ABCA8: variants seen among roughly 807,000 people sequenced by gnomAD.
ABCA8 encodes ABC-type organic anion transporter ABCA8.
A neutral mutation model predicts 192.3 loss-of-function variants in ABCA8; 177 were observed. That is an observed-to-expected ratio of 0.92 (90% CI 0.81 to 1.04). The LOEUF (loss-of-function observed/expected upper bound fraction) is 1.04. Among genes scored for constraint, ABCA8 ranks in the 50% least tolerant of loss-of-function variants. The probability of loss-of-function intolerance (pLI) is 0.00; values close to 1 mark genes in which losing one functional copy is unlikely to be tolerated. For missense variants in ABCA8, 1,915 were observed against 1,904.8 expected (o/e 1.01, Z -0.10); for synonymous variants, 642 against 690.2 (o/e 0.93, Z 1.09).
chr17:68,878,393 G>C (rs911134173), intron 32 of ABCA8: 1 of 152,260 alleles, frequency 6.6e-6, no homozygotes, highest in African/African-American at 2.4e-5. Context: ...TGATGTGGAA[G>C]CTTGACGGGG....
At chr17:68,891,639 A>G (rs775013179) in intron 23 of ABCA8, 43 bp from the exon 24 acceptor site, 3 of 1,452,002 alleles carry the variant, frequency 2.1e-6, no homozygotes, top group Non-Finnish European at 2.8e-6. Context: ...GAAGAAATTT[A>G]AAGTTAATTT....
intron 17 of ABCA8, among the ~76,000 whole-genome samples, chr17:68,913,919 C>T (rs568479808): frequency 3.3e-5 from 5 of 152,098 alleles, no homozygotes; most frequent in African/African-American, 1.2e-4. Context: ...AAAATACTAG[C>T]AAACCGAATT....
chr17:68,887,935 ATATATATAT>A (rs1359508674), intron 24 of ABCA8, among the ~76,000 whole-genome samples: 20 of 91,860 alleles, frequency 2.2e-4, no homozygotes, highest in South Asian at 1.3e-3. Flanking sequence ...TTATATATGG[ATATATATAT>A]TATATATATG....
rs1408123957 is a variant in ABCA8 at position 68,951,959 on chromosome 17, G to C, written c.-166-2487C>G. On this transcript the variant is annotated intron_variant, in intron 1 of 39. Coordinates refer to ENST00000586539, the MANE Select transcript of ABCA8 (RefSeq NM_001288985.2). ...CTCACGTTAAACCTACTTTTCTTTT[G>C]CTTCTAGTTTTGTCTACATCTTTAC... is the stretch of plus-strand genomic sequence containing the variant. Among the ~76,000 whole-genome samples the C allele has an allele frequency of 2.6e-5, 4 of 152,090 alleles. No individual in the cohort carries two copies. The East Asian group carries it at 7.7e-4, about 29-fold the overall frequency.
At position 68,894,860 on chromosome 17, in the gene ABCA8, A is replaced by T; in HGVS notation, c.2898+20T>A. The T allele has an allele frequency of 1.2e-6, 2 of 1,602,332 alleles. No individual in the cohort carries two copies. The highest frequency in any genetic ancestry group is 1.7e-6 in the Non-Finnish European group (2 of 1,176,146). ...TTAGCTTTTCACATTTTTCAGAAAG[A>T]TTATTAGAGACCTGCATACCTTTTC... On this transcript the variant is annotated intron_variant, in intron 22 of 39. Transcript: ENST00000586539.
At chr17:68,876,156 G>A (rs1270746571) in intron 35 of ABCA8, among the ~76,000 whole-genome samples, 2 of 152,150 alleles carry the variant, frequency 1.3e-5, no homozygotes, top group Non-Finnish European at 2.9e-5. Context: ...CTCATGCTAA[G>A]TATGGAACAC....
intron 11 of ABCA8, 85 bp downstream of exon 11, chr17:68,924,616 G>T: frequency 6.9e-7 from 1 of 1,452,008 alleles, no homozygotes. Flanking sequence ...TGTCTACAGA[G>T]CACAAAAGGG....
intron 14 of ABCA8, among the ~76,000 whole-genome samples, chr17:68,918,930 C>CAAAAAAAAAAAAAAAAAA (rs34377045): frequency 2.2e-5 from 1 of 45,950 alleles, no homozygotes; most frequent in African/African-American, 7.7e-5. Flanking sequence ...AACTCTGTCT[C>CAAAAAAAAAAAAAAAAAA]AAAAAAAAAA....
chr17:68,895,123 C>G, intron 21 of ABCA8, 110 bp from the exon 22 acceptor site: 1 of 840,596 alleles, frequency 1.2e-6, no homozygotes, highest in Non-Finnish European at 1.7e-6. Context: ...TATGGACTGT[C>G]AGGATATTTT....
intron 9 of ABCA8, among the ~76,000 whole-genome samples, 170 bp downstream of exon 9, chr17:68,928,879 G>A (rs1194267061): frequency 6.6e-6 from 1 of 151,808 alleles, no homozygotes; most frequent in East Asian, 1.9e-4. Context: ...TATTTTGCTG[G>A]GCTAAATAAT....
chr17:68,948,256 A>G (rs915673005), intron 2 of ABCA8, among the ~76,000 whole-genome samples: 7 of 152,212 alleles, frequency 4.6e-5, no homozygotes, highest in African/African-American at 1.7e-4. Flanking sequence ...CTTTGGGTAT[A>G]TACCCAGTAA....
rs77781928 is a variant in ABCA8, at chr17:68,910,539, T to C, written c.2139-2660A>G. Reference sequence around the variant, plus strand: ...GGGACTGAAATTCCTGGGCAAGTCCTGATGCTGTTCTGGGCTCAAAGCCAA... The same window carrying C: ...GGGACTGAAATTCCTGGGCAAGTCCCGATGCTGTTCTGGGCTCAAAGCCAA... On this transcript the variant is annotated intron_variant, in intron 17 of 39. Transcript: ENST00000586539. Among the ~76,000 whole-genome samples the C allele has an allele frequency of 6.9e-3, 1,053 of 152,260 alleles. 11 individuals carry two copies. Among genetic ancestry groups the C allele is most frequent in the African/African-American group, 0.025 (1,023 of 41,532 alleles).
At chr17:68,919,571 A>G in intron 13 of ABCA8, 95 bp from the exon 14 acceptor site, 2 of 1,103,742 alleles carry the variant, frequency 1.8e-6, no homozygotes, top group Non-Finnish European at 2.6e-6. Context: ...TTATCTTGAC[A>G]GTTTATACAA....
chr17:68,940,046 A>C (rs1367425606), intron 4 of ABCA8, among the ~76,000 whole-genome samples: 4 of 152,210 alleles, frequency 2.6e-5, no homozygotes, highest in South Asian at 4.1e-4. Context: ...CTCTGACTCT[A>C]AGTCTAGTTC....
rs1310538651 is a variant in ABCA8 at position 68,903,494 on chromosome 17, C to A, written c.2404G>T (p.Ala802Ser). The A allele has an allele frequency of 6.2e-7, 1 of 1,614,004 alleles. No individual in the cohort carries two copies. Among genetic ancestry groups the A allele is most frequent in the Admixed American group, 1.7e-5 (1 of 59,998 alleles). Residue 802 changes from alanine to serine, a missense_variant, in exon 20 of 40, where the codon GCT becomes TCT. Coordinates refer to ENST00000586539, the MANE Select transcript of ABCA8 (RefSeq NM_001288985.2). Reference protein sequence around the residue: ...GKSTINESDIAILGEVQAEKA... With the variant: ...GKSTINESDISILGEVQAEKA... ...TCCGCTTGTACTTCTCCCAAAATAG[C>A]AATGTCTGCAAAACATAAAATAAGC... is the stretch of plus-strand genomic sequence containing the variant.
intron 24 of ABCA8, among the ~76,000 whole-genome samples, chr17:68,887,945 TATATATATGGATATATATACACACAC>T (rs1406339702): frequency 2.3e-5 from 1 of 44,120 alleles, no homozygotes; most frequent in Non-Finnish European, 4.1e-5. Context: ...ATATATATAT[TATATATATGGATATATATACACACAC>T]ATATATATGG....
rs188108773 is a variant in ABCA8, at chr17:68,898,451, T to G, written c.2765-3438A>C. Among the ~76,000 whole-genome samples, 25 of 152,282 alleles carry G rather than the reference T, an allele frequency of 1.6e-4. No individual in the cohort carries two copies. The East Asian group carries it at 3.8e-3, about 23-fold the overall frequency. On this transcript the variant is annotated intron_variant, in intron 21 of 39. Transcript: ENST00000586539. ...AATGAAGAATTTGTTATAGCAGACT[T>G]GCCTTATAAGAAATACTTAAAACTG...
chr17:68,953,363 G>A (rs916811541), intron 1 of ABCA8, among the ~76,000 whole-genome samples: 2 of 152,168 alleles, frequency 1.3e-5, no homozygotes, highest in Non-Finnish European at 2.9e-5. Flanking sequence ...CTCCTCCATA[G>A]TGATGAGAAG....
chr17:68,936,808 T>A (rs1286179222), intron 5 of ABCA8, 143 bp downstream of exon 5: 4 of 625,428 alleles, frequency 6.4e-6, no homozygotes, highest in Non-Finnish European at 9.7e-6. Context: ...AAAAATGAAT[T>A]TTTTTTTAAA....
Sources: gnomAD v4.1 joint callset for allele counts (sites outside exome capture counted in the v4.1 genomes callset) on GRCh38, gnomAD v4.1.1 for gene constraint, MANE v1.5 for transcripts, NCBI Gene and HGNC (gene_info 2026-07-23, HGNC 2026-07-21) for gene names.